ATP1A3: variants seen among roughly 807,000 people sequenced by gnomAD.
The protein encoded by ATP1A3 is ATPase Na+/K+ transporting subunit alpha 3.
A neutral mutation model predicts 108.8 loss-of-function variants in ATP1A3; 12 were observed. The ratio of observed to expected loss-of-function variants is 0.11; its 90% CI spans 0.07 to 0.18. ATP1A3 has a LOEUF of 0.18. Ranked by LOEUF, ATP1A3 falls within the 10% of genes least tolerant of loss-of-function variation. The pLI, the probability that ATP1A3 is intolerant of heterozygous loss-of-function variation, is 1.00. For missense variants in ATP1A3, 498 were observed against 1,387.7 expected (o/e 0.36, Z 10.19); for synonymous variants, 539 against 564.5 (o/e 0.95, Z 0.64).
chr19:41,970,712 G>A lies in ATP1A3; in HGVS notation c.2264-170C>T, dbSNP rs10425063. 0.73 allele frequency among the ~76,000 whole-genome samples: 107,091 copies of A among 147,614 alleles called. 39,718 individuals are homozygous for A. Among genetic ancestry groups the A allele is most frequent in the African/African-American group, 0.9 (35,924 of 39,824 alleles). ...AGTGGTGCGATCTCGGCTCACTGCA[G>A]GCTCCGCCTCCCGGGTTCACGCCAT... On this transcript the variant is annotated intron_variant, in intron 16 of 22. Coordinates refer to ENST00000648268, the MANE Select transcript of ATP1A3 (RefSeq NM_152296.5).
chr19:41,993,130 G>A (rs911425556), intron 1 of ATP1A3: 8 of 242,576 alleles, frequency 3.3e-5, no homozygotes, highest in South Asian at 1.7e-4. Context: ...GGCCTCTCCC[G>A]CCCTCTTCAT....
chr19:41,993,992 C>T (rs992318982), intron 1 of ATP1A3, 79 bp downstream of exon 1: 33 of 1,589,200 alleles, frequency 2.1e-5, no homozygotes, highest in Admixed American at 1.6e-4. Flanking sequence ...GTCCCGGTGC[C>T]CCCGCCCCCC....
chr19:41,992,410 C>T (rs2075349338), intron 1 of ATP1A3, among the ~76,000 whole-genome samples: 1 of 152,128 alleles, frequency 6.6e-6, no homozygotes, highest in South Asian at 2.1e-4. Context: ...TCTGCAGCTC[C>T]TTGCCATTTT....
Position 41,986,307 on chromosome 19 carries a change from G to A in ATP1A3, c.358-78C>T, listed in dbSNP as rs922344334. On this transcript the variant is annotated intron_variant, in intron 4 of 22. Transcript: ENST00000648268. ...CAGTCCCTGCTCGCCTGGAGTCTGGGAAGGGAGCTTTGTGTCAGTGGGGGT... is the reference window on the plus strand; with the variant it reads ...CAGTCCCTGCTCGCCTGGAGTCTGGAAAGGGAGCTTTGTGTCAGTGGGGGT... 4.9e-6 allele frequency: 7 copies of A among 1,434,252 alleles called. No homozygotes were observed. The African/African-American group carries it at 8.4e-5, about 17-fold the overall frequency. The allele number at this position is 1,434,252 out of a possible 1,614,324, so 88.8% of individuals were successfully genotyped here. A position where few individuals can be genotyped will look rare whatever the true frequency, so the allele number is the denominator to read the frequency against.
chr19:41,985,749 G>A lies in ATP1A3; in HGVS notation c.606+115C>T. 6.7e-7 allele frequency: 1 copy of A among 1,493,294 alleles called. No homozygotes were observed. The allele number at this position is 1,493,294 out of a possible 1,614,324, so 92.5% of individuals were successfully genotyped here. A position where few individuals can be genotyped will look rare whatever the true frequency, so the allele number is the denominator to read the frequency against. ...AGGGCCTGGGGGCCTGGACTCCTGG[G>A]TCTGAGGGAGGAGGGGTTGGGACCT... is the stretch of plus-strand genomic sequence containing the variant. On this transcript the variant is annotated intron_variant, in intron 6 of 22. Transcript: ENST00000648268. This position sits in a 1 kb window ranked among gnomAD's most constrained non-coding sequence, Gnocchi z 8.2.
chr19:41,974,882 C>G (rs1446134440), intron 16 of ATP1A3, among the ~76,000 whole-genome samples: 5 of 152,146 alleles, frequency 3.3e-5, no homozygotes, highest in Non-Finnish European at 7.4e-5. Flanking sequence ...GCCTGTGTAC[C>G]GGTTCCTCTG....
At chr19:41,975,492 C>T (rs2075156011) in intron 16 of ATP1A3, 137 bp downstream of exon 16, 2 of 1,302,894 alleles carry the variant, frequency 1.5e-6, no homozygotes, top group Non-Finnish European at 2.1e-6. Flanking sequence ...CAGAAAAGGA[C>T]AGGCTCAGGC....
chr19:41,993,213 G>T, intron 1 of ATP1A3: 1 of 464,022 alleles, frequency 2.2e-6, no homozygotes, highest in Non-Finnish European at 4.0e-6. Flanking sequence ...CACACAGGGA[G>T]GAATCCAGGG....
In ATP1A3 at chr19:41,978,582, A is replaced by G. The variant is rs781948235; in HGVS notation, c.1630+24T>C. On this transcript the variant is annotated intron_variant, in intron 12 of 22. Transcript: ENST00000648268. This position sits in a 1 kb window ranked among gnomAD's most constrained non-coding sequence, Gnocchi z 8.3. ...ACCCTCCTTGCCCTCCAGGGACCCCAGAGCCCGCCCGGCAGCCTCGCACCA... is the reference window on the plus strand; with the variant it reads ...ACCCTCCTTGCCCTCCAGGGACCCCGGAGCCCGCCCGGCAGCCTCGCACCA... The G allele has an allele frequency of 4.3e-6, 7 of 1,611,248 alleles. No homozygotes were observed. Among genetic ancestry groups the G allele is most frequent in the Non-Finnish European group, 5.9e-6 (7 of 1,179,856 alleles).
chr19:41,970,528 C>G lies in ATP1A3; in HGVS notation c.2278G>C (p.Asp760His). The change falls in exon 17 of 23, where the codon GAC becomes CAC. Residue 760 changes from aspartate to histidine, a missense_variant. By Grantham distance (81) the Asp-to-His change is moderately conservative. Transcript: ENST00000648268. ...TAGGCAATGGACTTCTTTAGGTTGTCGAAGATCAGGCGGCCTGTGGCACAG... is the reference window on the plus strand; with the variant it reads ...TAGGCAATGGACTTCTTTAGGTTGTGGAAGATCAGGCGGCCTGTGGCACAG... ...TGVEEGRLIF[D>H]NLKKSIAYTL... 6.2e-7 allele frequency: 1 copy of G among 1,613,430 alleles called. No homozygotes were observed. Among genetic ancestry groups the G allele is most frequent in the Non-Finnish European group, 8.5e-7 (1 of 1,179,786 alleles).
intron 18 of ATP1A3, among the ~76,000 whole-genome samples, chr19:41,969,811 G>T (rs1379038555): frequency 6.6e-6 from 1 of 152,190 alleles, no homozygotes; most frequent in Non-Finnish European, 1.5e-5. Context: ...CTCCCAGAGG[G>T]ATAACCTGGA....
At chr19:41,993,364 A>C in intron 1 of ATP1A3, 1 of 1,533,872 alleles carries the variant, frequency 6.5e-7, no homozygotes, top group Non-Finnish European at 8.7e-7. Flanking sequence ...GCACACGCAC[A>C]CCCTCAGCTG....
rs2075365808 is a variant in ATP1A3 at position 41,994,153 on chromosome 19, G to C, written c.-77C>G. Reference sequence around the variant, plus strand: ...GCGGGCTCAGGCTCAGGCTTGGGCTGGGAGCCTCTGCAGCGCCCGCGCCTC... The same window carrying C: ...GCGGGCTCAGGCTCAGGCTTGGGCTCGGAGCCTCTGCAGCGCCCGCGCCTC... On this transcript the variant is annotated 5_prime_UTR_variant, in exon 1 of 23. Coordinates refer to ENST00000648268, the MANE Select transcript of ATP1A3 (RefSeq NM_152296.5). 1 of 1,428,412 alleles carries C rather than the reference G, an allele frequency of 7.0e-7. No homozygotes were observed. Among genetic ancestry groups the C allele is most frequent in the African/African-American group, 1.5e-5 (1 of 67,356 alleles). The allele number at this position is 1,428,412 out of a possible 1,614,324, so 88.5% of individuals were successfully genotyped here. A position where few individuals can be genotyped will look rare whatever the true frequency, so the allele number is the denominator to read the frequency against.
Position 41,970,539 on chromosome 19 carries a change from C to T in ATP1A3, c.2267G>A (p.Arg756His), listed in dbSNP as rs606231435. ...CTTCTTTAGGTTGTCGAAGATCAGG[C>T]GGCCTGTGGCACAGGCAGGCTCAGA... Reference protein sequence around the residue: ...ASIVTGVEEGRLIFDNLKKSI... With the variant: ...ASIVTGVEEGHLIFDNLKKSI... The change falls in exon 17 of 23, where the codon CGC (arginine) becomes CAC (histidine). Residue 756 changes from arginine to histidine, a missense_variant. Arg to His is a conservative substitution (Grantham distance 29, BLOSUM62 0). Coordinates refer to ENST00000648268, the MANE Select transcript of ATP1A3 (RefSeq NM_152296.5). The T allele has an allele frequency of 6.2e-7, 1 of 1,606,542 alleles. No homozygotes were observed. The highest frequency in any genetic ancestry group is 8.5e-7 in the Non-Finnish European group (1 of 1,175,474).
At chr19:41,982,429 C>A (rs1555863895) in intron 8 of ATP1A3, among the ~76,000 whole-genome samples, 1 of 152,136 alleles carries the variant, frequency 6.6e-6, no homozygotes, top group Non-Finnish European at 1.5e-5. Flanking sequence ...AGTTCGAGAC[C>A]AGCCTGGCTA....
In ATP1A3 at chr19:41,977,464, C is replaced by T. The variant is rs376843358; in HGVS notation, c.1943+472G>A. The stretch of plus-strand genomic sequence containing the variant: ...ACTTTGGGAGGCCAAGGCAGGTGGA[C>T]CACCTGAGGTCAGGAGTTCGAGACC... On this transcript the variant is annotated intron_variant, in intron 14 of 22. Coordinates refer to ENST00000648268, the MANE Select transcript of ATP1A3 (RefSeq NM_152296.5). Among the ~76,000 whole-genome samples, 373 of 151,042 alleles carry T rather than the reference C, an allele frequency of 2.5e-3. 1 individual carries two copies. The highest frequency in any genetic ancestry group is 8.7e-3 in the African/African-American group (357 of 41,182).
intron 1 of ATP1A3, chr19:41,993,295 G>A (rs1277073163): frequency 1.6e-6 from 2 of 1,231,962 alleles, no homozygotes; most frequent in Non-Finnish European, 2.3e-6. Context: ...GACAGACAAG[G>A]ACACACGGAC....
At chr19:41,991,307 G>C in intron 1 of ATP1A3, among the ~76,000 whole-genome samples, 1 of 152,146 alleles carries the variant, frequency 6.6e-6, no homozygotes, top group South Asian at 2.1e-4. Flanking sequence ...GTGGGGGTGT[G>C]CAGGGAGGGG....
At chr19:41,993,482 C>A in intron 1 of ATP1A3, 14 of 1,516,566 alleles carry the variant, frequency 9.2e-6, no homozygotes, top group Non-Finnish European at 1.1e-5. Flanking sequence ...CAGCCCCAGG[C>A]TGCGACACTG....
Sources: gnomAD v4.1 joint callset for allele counts (sites outside exome capture counted in the v4.1 genomes callset) on GRCh38, gnomAD v4.1.1 for gene constraint, Gnocchi (gnomAD v3.1) non-coding constraint, MANE v1.5 for transcripts, NCBI Gene and HGNC (gene_info 2026-07-23, HGNC 2026-07-21) for gene names.